Variants in IRAK4 observed in about 807,000 individuals in gnomAD.
The protein encoded by IRAK4 is interleukin 1 receptor associated kinase 4, also known as interleukin-1 receptor-associated kinase 4.
IRAK4 carries 44 observed loss-of-function variants against 51.8 expected under a neutral mutation model. The observed-to-expected ratio is 0.85, with a 90% confidence interval of 0.67 to 1.09. The LOEUF (loss-of-function observed/expected upper bound fraction) is 1.09, where lower values mean the gene tolerates loss of function less well. IRAK4 is among the 50% of genes least tolerant of loss of function. The pLI, the probability that IRAK4 is intolerant of heterozygous loss-of-function variation, is 0.00. For missense variants in IRAK4, 487 were observed against 538.0 expected, an observed-to-expected ratio of 0.91 and a Z score of 0.94; for synonymous variants, 149 against 174.1, an observed-to-expected ratio of 0.86 and a Z score of 1.13.
chr12:43,786,726 G>T lies in IRAK4; in HGVS notation c.*11G>T. The T allele has an allele frequency of 6.2e-7, 1 of 1,610,972 alleles. No individual in the cohort carries two copies. Among genetic ancestry groups the T allele is most frequent in the Non-Finnish European group, 8.5e-7 (1 of 1,177,572 alleles). ...ATGACAGCTTCTTAAAACTTTATTG[G>T]AAAAGACTCTTGACTTTTTATATAC... On this transcript the variant is annotated 3_prime_UTR_variant, in exon 12 of 12. Transcript: ENST00000613694.
intron 2 of IRAK4, 159 bp from the exon 3 acceptor site, chr12:43,771,061 C>T (rs772870636): frequency 1.4e-6 from 1 of 722,670 alleles, no homozygotes; most frequent in South Asian, 1.5e-5. Context: ...AAGGCCCTAA[C>T]CAGATGCAGC....
chr12:43,779,866 T>C (rs1941622986), intron 8 of IRAK4, among the ~76,000 whole-genome samples: 1 of 152,184 alleles, frequency 6.6e-6, no homozygotes, highest in Non-Finnish European at 1.5e-5. Context: ...GAGCTGAAGA[T>C]ATAAATGTGT....
At chr12:43,769,294 A>G (rs2137911935) in intron 2 of IRAK4, among the ~76,000 whole-genome samples, 1 of 152,344 alleles carries the variant, frequency 6.6e-6, no homozygotes, top group Non-Finnish European at 1.5e-5. Context: ...TGCAAGGCTC[A>G]TCACTGAACC....
chr12:43,768,368 T>C, intron 2 of IRAK4, 96 bp downstream of exon 2: 3 of 886,564 alleles, frequency 3.4e-6, no homozygotes, highest in Non-Finnish European at 5.2e-6. Flanking sequence ...GTTTAGAAAG[T>C]AAACCTCTCC....
chr12:43,764,087 G>A (rs1939864336), intron 1 of IRAK4, among the ~76,000 whole-genome samples: 2 of 152,054 alleles, frequency 1.3e-5, no homozygotes, highest in Admixed American at 6.6e-5. Flanking sequence ...TTGTATGAGG[G>A]CATTTCAAAA....
At chr12:43,769,415 T>G (rs1206417510) in intron 2 of IRAK4, among the ~76,000 whole-genome samples, 1 of 152,108 alleles carries the variant, frequency 6.6e-6, no homozygotes, top group African/African-American at 2.4e-5. Flanking sequence ...ATCCTAACAC[T>G]TGTGGAGACC....
intron 7 of IRAK4, 103 bp from the exon 8 acceptor site, chr12:43,778,090 C>T: frequency 4.1e-6 from 3 of 728,644 alleles, no homozygotes; most frequent in South Asian, 1.6e-5. Flanking sequence ...AATGCTATAA[C>T]ATCATCTTCA....
In IRAK4 at chr12:43,783,708, G is replaced by A. The variant is rs55944915; in HGVS notation, c.1172G>A (p.Arg391His). ...GGACTTCCAGCTGTGGATGAACACC[G>A]TGAACCTCAGTTATTGGTAAATGAA... ...ITGLPAVDEHREPQLLLDIKE... is the reference protein window; with the variant it reads ...ITGLPAVDEHHEPQLLLDIKE... Residue 391 changes from arginine (R) to histidine (H), a missense_variant, in exon 10 of 12, where the codon CGT (arginine) becomes CAT (histidine). Coordinates refer to ENST00000613694, the MANE Select transcript of IRAK4 (RefSeq NM_016123.4). The A allele has an allele frequency of 0.011, 18,313 of 1,603,352 alleles. 149 individuals carry two copies. Among genetic ancestry groups the A allele is most frequent in the Middle Eastern group, 0.026 (155 of 6,036 alleles).
intron 6 of IRAK4, among the ~76,000 whole-genome samples, 179 bp downstream of exon 6, chr12:43,774,208 A>G (rs1941061568): frequency 6.6e-6 from 1 of 152,176 alleles, no homozygotes; most frequent in South Asian, 2.1e-4. Context: ...ATGATTACAT[A>G]TACTCATATG....
chr12:43,783,536 G>C (rs1343379917), intron 9 of IRAK4, 126 bp from the exon 10 acceptor site: 3 of 655,400 alleles, frequency 4.6e-6, no homozygotes, highest in Non-Finnish European at 8.1e-6. Context: ...GCCCAGGCTG[G>C]TCGTGAAGTC....
intron 2 of IRAK4, among the ~76,000 whole-genome samples, chr12:43,769,487 C>G (rs987004294): frequency 1.1e-4 from 17 of 152,004 alleles, no homozygotes; most frequent in Non-Finnish European, 2.4e-4. Context: ...TGGTAAAACC[C>G]CATCACTACA....
chr12:43,786,444 G>A lies in IRAK4; in HGVS notation c.1234G>A (p.Asp412Asn). The A allele has an allele frequency of 6.2e-7, 1 of 1,607,138 alleles. No individual in the cohort carries two copies. The highest frequency in any genetic ancestry group is 8.5e-7 in the Non-Finnish European group (1 of 1,176,854). The change falls in exon 11 of 12, where the codon GAT becomes AAT. Residue 412 changes from aspartate (D) to asparagine (N), a missense_variant. By Grantham distance (23) the Asp-to-Asn change is conservative (BLOSUM62 1). Coordinates refer to ENST00000613694, the MANE Select transcript of IRAK4 (RefSeq NM_016123.4). Reference protein sequence around the residue: ...EIEDEEKTIEDYIDKKMNDAD... With the variant: ...EIEDEEKTIENYIDKKMNDAD... ...TGAAGATGAAGAAAAGACAATTGAA[G>A]ATTATATTGATAAAAAGATGAATGA... is the stretch of plus-strand genomic sequence containing the variant.
chr12:43,769,214 A>G (rs1417563982), intron 2 of IRAK4, among the ~76,000 whole-genome samples: 1 of 152,072 alleles, frequency 6.6e-6, no homozygotes, highest in African/African-American at 2.4e-5. Context: ...TAATACCTGC[A>G]AATAATTGTG....
At position 43,771,299 on chromosome 12, in the gene IRAK4, G is replaced by A; in HGVS notation, c.241G>A (p.Val81Ile). 6.2e-7 allele frequency: 1 copy of A among 1,614,062 alleles called. No individual in the cohort carries two copies. The change falls in exon 3 of 12, where the codon GTT becomes ATT. Residue 81 changes from valine to isoleucine, a missense_variant. Physicochemically the swap from Val to Ile is conservative, Grantham distance 29. Transcript: ENST00000613694. ...TGACTGGGGCACCACAAATTGCACA[G>A]TTGGTGATCTTGTGGATCTTTTGAT... ...LFDWGTTNCT[V>I]GDLVDLLIQN...
intron 4 of IRAK4, among the ~76,000 whole-genome samples, chr12:43,772,581 A>G (rs1349378135): frequency 6.6e-6 from 1 of 152,118 alleles, no homozygotes; most frequent in Admixed American, 6.5e-5. Flanking sequence ...GAAGCTATGA[A>G]AAAAAATAAG....
rs4251545 is a variant in IRAK4, at chr12:43,786,492, G to A, written c.1282G>A (p.Ala428Thr). ...TGATGCTGATTCCACTTCAGTTGAA[G>A]CTATGTACTCTGTTGCTAGTCAATG... The part of the protein sequence containing the change: ...MNDADSTSVE[A>T]MYSVASQCLH... The change falls in exon 11 of 12, where the codon GCT becomes ACT. Residue 428 changes from alanine to threonine, a missense_variant. Ala to Thr is a moderately conservative substitution (Grantham distance 58). Transcript: ENST00000613694. The A allele has an allele frequency of 0.1, 167,824 of 1,612,510 alleles. 10,368 individuals are homozygous for A. Among genetic ancestry groups the A allele is most frequent in the African/African-American group, 0.28 (20,602 of 74,846 alleles).
chr12:43,760,133 T>C (rs556380348), intron 1 of IRAK4, among the ~76,000 whole-genome samples: 1 of 152,320 alleles, frequency 6.6e-6, no homozygotes, highest in East Asian at 1.9e-4. Context: ...GCTTCTGATA[T>C]TCCAGGCCAA....
Position 43,783,538 on chromosome 12 carries a change from C to T in IRAK4, c.1126-124C>T, listed in dbSNP as rs1941958527. On this transcript the variant is annotated intron_variant, in intron 9 of 11. Coordinates refer to ENST00000613694, the MANE Select transcript of IRAK4 (RefSeq NM_016123.4). The stretch of plus-strand genomic sequence containing the variant: ...GGGTCTCACTGTTGCCCAGGCTGGT[C>T]GTGAAGTCCGGGGCTCAAGTTATCC... 1.4e-5 allele frequency: 9 copies of T among 659,328 alleles called. No homozygotes were observed. In the East Asian group the frequency reaches 1.9e-4, roughly 14 times the overall value. 40.8% of individuals were successfully genotyped at this position (659,328 alleles called of 1,614,324 possible). A position where few individuals can be genotyped will look rare whatever the true frequency, so the allele number is the denominator to read the frequency against.
In IRAK4 at chr12:43,772,171, A is replaced by G; in HGVS notation, c.308-9A>G. On this transcript the variant is annotated splice_polypyrimidine_tract_variant and intron_variant, in intron 3 of 11. Transcript: ENST00000613694. ...TGAAAAACCACTTGTATCTTACTTC[A>G]TTTGTTAGATGCTGTTCCCAAAACT... The G allele has an allele frequency of 6.2e-7, 1 of 1,609,964 alleles. No homozygotes were observed. Among genetic ancestry groups the G allele is most frequent in the Non-Finnish European group, 8.5e-7 (1 of 1,177,346 alleles).
Sources: gnomAD v4.1 joint callset for allele counts (sites outside exome capture counted in the v4.1 genomes callset) on GRCh38, gnomAD v4.1.1 for gene constraint, MANE v1.5 for transcripts, NCBI Gene and HGNC (gene_info 2026-07-23, HGNC 2026-07-21) for gene names.